Variants in CDK14 observed in about 807,000 individuals in gnomAD.
CDK14 encodes cyclin-dependent kinase 14.
A neutral mutation model predicts 60.7 loss-of-function variants in CDK14; 34 were observed. That is an observed-to-expected ratio of 0.56 (90% confidence interval 0.43 to 0.75). The LOEUF is 0.75. CDK14 is among the 30% of genes least tolerant of loss of function. The pLI, the probability that CDK14 is intolerant of heterozygous loss-of-function variation, is 0.00. For missense variants in CDK14, 482 were observed against 564.1 expected (o/e 0.85, Z 1.47); for synonymous variants, 197 against 203.7 (o/e 0.97, Z 0.28).
chr7:90,791,865 C>T (rs1278911486), intron 5 of CDK14, among the ~76,000 whole-genome samples: 1 of 150,000 alleles, frequency 6.7e-6, no homozygotes, highest in Non-Finnish European at 1.5e-5. Flanking sequence ...CTGACCTTTT[C>T]TCTGAGTTAG....
chr7:90,678,104 G>A (rs1021632373), intron 2 of CDK14, among the ~76,000 whole-genome samples: 2 of 152,202 alleles, frequency 1.3e-5, no homozygotes, highest in Non-Finnish European at 2.9e-5. Flanking sequence ...ATCAAGTGGA[G>A]CAAAGCCACA....
chr7:90,944,156 G>C (rs1011653351), intron 8 of CDK14, among the ~76,000 whole-genome samples: 1 of 152,154 alleles, frequency 6.6e-6, no homozygotes, highest in Admixed American at 6.5e-5. Flanking sequence ...ATCAGATGCA[G>C]CTGCCTGATT....
chr7:90,921,687 C>A (rs1243906326), intron 8 of CDK14, among the ~76,000 whole-genome samples: 1 of 151,792 alleles, frequency 6.6e-6, no homozygotes, highest in Admixed American at 6.6e-5. Flanking sequence ...TGAGAGACAG[C>A]GAGAATTCTA....
At chr7:91,054,131 C>T (rs1289372121) in intron 11 of CDK14, among the ~76,000 whole-genome samples, 2 of 119,376 alleles carry the variant, frequency 1.7e-5, no homozygotes, top group African/African-American at 3.4e-5. Flanking sequence ...ATACCATGTG[C>T]TCTGCCTGCT....
chr7:90,948,706 A>G (rs1267489872), intron 8 of CDK14, among the ~76,000 whole-genome samples: 1 of 152,250 alleles, frequency 6.6e-6, no homozygotes, highest in African/African-American at 2.4e-5. Context: ...AATTACAAAG[A>G]CAAATGCCTG....
At chr7:90,676,333 G>A (rs552055316) in intron 2 of CDK14, among the ~76,000 whole-genome samples, 7 of 152,068 alleles carry the variant, frequency 4.6e-5, no homozygotes, top group Non-Finnish European at 8.8e-5. Flanking sequence ...GAAAATGGCC[G>A]GAAGGCTGTG....
intron 8 of CDK14, among the ~76,000 whole-genome samples, chr7:90,946,621 C>T (rs1794108961): frequency 6.6e-6 from 1 of 152,244 alleles, no homozygotes; most frequent in Non-Finnish European, 1.5e-5. Flanking sequence ...ATAAAAACCT[C>T]TTAGTTCATG....
At chr7:90,743,718 A>G (rs1040269131) in intron 3 of CDK14, among the ~76,000 whole-genome samples, 61 of 151,140 alleles carry the variant, frequency 4.0e-4, no homozygotes, top group African/African-American at 1.1e-3. Context: ...TGGATTTTTA[A>G]CATTCATTTT....
At chr7:90,843,901 A>G (rs1001008953) in intron 5 of CDK14, among the ~76,000 whole-genome samples, 18 of 152,180 alleles carry the variant, frequency 1.2e-4, no homozygotes, top group Non-Finnish European at 2.4e-4. Context: ...TTTTACTGAT[A>G]TATATCCCAT....
chr7:90,722,607 G>A (rs922338398), intron 2 of CDK14, among the ~76,000 whole-genome samples: 11 of 91,922 alleles, frequency 1.2e-4, no homozygotes, highest in African/African-American at 4.8e-4. Context: ...TTTAAGTTGA[G>A]AACCTTGTTA....
chr7:90,636,560 A>C (rs373102631), intron 2 of CDK14, among the ~76,000 whole-genome samples: 1 of 151,776 alleles, frequency 6.6e-6, no homozygotes, highest in African/African-American at 2.4e-5. Flanking sequence ...GGATTTTTGC[A>C]TCAATGTTCA....
intron 14 of CDK14, among the ~76,000 whole-genome samples, chr7:91,189,699 C>T (rs1026423596): frequency 8.6e-5 from 13 of 152,034 alleles, no homozygotes; most frequent in African/African-American, 3.1e-4. Flanking sequence ...GTATCCAGTA[C>T]TACTATTGAT....
At chr7:90,928,972 T>C (rs1793507328) in intron 8 of CDK14, among the ~76,000 whole-genome samples, 1 of 152,220 alleles carries the variant, frequency 6.6e-6, no homozygotes, top group South Asian at 2.1e-4. Flanking sequence ...GATCTCAGAC[T>C]GCTGTGCCAG....
rs1220562137 is a variant in CDK14, at chr7:91,210,487, C to A, written c.*3351C>A. ...AATAATACATGTTGCATATTTGTTA[C>A]CAGTTGTAATTTGTCTGTATTATGA... On this transcript the variant is annotated 3_prime_UTR_variant, in exon 15 of 15. Transcript: ENST00000380050. The A allele has an allele frequency of 6.6e-6, 1 of 152,258 alleles. No individual in the cohort carries two copies. Among genetic ancestry groups the A allele is most frequent in the African/African-American group, 2.4e-5 (1 of 41,400 alleles). The allele number at this position is 152,258 out of a possible 1,614,324, so 9.4% of individuals were successfully genotyped here.
chr7:90,967,009 T>C (rs1432107462), intron 9 of CDK14, among the ~76,000 whole-genome samples: 2 of 151,978 alleles, frequency 1.3e-5, no homozygotes, highest in African/African-American at 2.4e-5. Context: ...AGAAGACAAA[T>C]GCAGCAATGT....
intron 2 of CDK14, among the ~76,000 whole-genome samples, chr7:90,699,366 A>G (rs976390907): frequency 7.2e-5 from 11 of 152,230 alleles, no homozygotes; most frequent in Admixed American, 5.9e-4. Flanking sequence ...CTGGATTGCA[A>G]TAACGCTTGC....
At chr7:90,637,756 T>A (rs1352798585) in intron 2 of CDK14, among the ~76,000 whole-genome samples, 2 of 105,644 alleles carry the variant, frequency 1.9e-5, no homozygotes, top group Non-Finnish European at 1.9e-5. Flanking sequence ...CCCATTATTA[T>A]TGTGTGGGAG....
At chr7:90,887,100 TTTTG>T (rs1262284005) in intron 6 of CDK14, among the ~76,000 whole-genome samples, 4 of 152,160 alleles carry the variant, frequency 2.6e-5, no homozygotes, top group African/African-American at 4.8e-5. Flanking sequence ...ATATGAGGGA[TTTTG>T]TTTGTTTGTT....
intron 12 of CDK14, among the ~76,000 whole-genome samples, chr7:91,097,350 C>T (rs183883746): frequency 8.6e-5 from 13 of 151,888 alleles, no homozygotes; most frequent in Non-Finnish European, 1.6e-4. Flanking sequence ...CATTGCACTC[C>T]AGCCTGGGTG....
Sources: gnomAD v4.1 joint callset for allele counts (sites outside exome capture counted in the v4.1 genomes callset) on GRCh38, gnomAD v4.1.1 for gene constraint, MANE v1.5 for transcripts, NCBI Gene and HGNC (gene_info 2026-07-23, HGNC 2026-07-21) for gene names.